The following FAM110B variants were observed in gnomAD, a reference collection of about 807,000 sequenced individuals.
FAM110B encodes the protein protein FAM110B.
Under a neutral mutation model 20.4 loss-of-function variants are expected in FAM110B, and 6 were observed. The ratio of observed to expected loss-of-function variants is 0.29; its 90% CI spans 0.16 to 0.58. The LOEUF (loss-of-function observed/expected upper bound fraction) is 0.58, where lower values mean the gene tolerates loss of function less well. FAM110B is among the 20% of genes least tolerant of loss of function. The pLI, the probability that FAM110B is intolerant of heterozygous loss-of-function variation, is 0.90. For missense variants in FAM110B, 434 were observed against 498.2 expected, an observed-to-expected ratio of 0.87 and a Z score of 1.23; for synonymous variants, 226 against 214.1, an observed-to-expected ratio of 1.06 and a Z score of -0.49.
intron 3 of FAM110B, among the ~76,000 whole-genome samples, chr8:58,078,509 A>C (rs1025129955): frequency 4.6e-5 from 7 of 151,074 alleles, no homozygotes; most frequent in African/African-American, 1.7e-4. Context: ...TTTCTCCTTG[A>C]AGGTTTCCTT....
At chr8:58,086,476 A>G (rs1474244160) in intron 3 of FAM110B, among the ~76,000 whole-genome samples, 4 of 152,204 alleles carry the variant, frequency 2.6e-5, no homozygotes, top group Admixed American at 2.6e-4. Context: ...TTTTATGATT[A>G]TTAGACCCTT....
chr8:57,998,767 C>T (rs1486047334), intron 1 of FAM110B, among the ~76,000 whole-genome samples: 1 of 152,258 alleles, frequency 6.6e-6, no homozygotes, highest in East Asian at 1.9e-4. Flanking sequence ...TGTTAACATC[C>T]AAACGATTAC....
chr8:58,075,267 T>TGTGTGTGTGTGTGTGTGTGTGTGTGTG (rs1554521043), intron 2 of FAM110B, among the ~76,000 whole-genome samples: 1 of 134,244 alleles, frequency 7.4e-6, no homozygotes, highest in Non-Finnish European at 1.5e-5. Context: ...TTTTGCTTTT[T>TGTGTGTGTGTGTGTGTGTGTGTGTGTG]TTTTTTTTTG....
intron 3 of FAM110B, among the ~76,000 whole-genome samples, chr8:58,079,853 C>G (rs567573408): frequency 2.6e-4 from 39 of 152,082 alleles, no homozygotes; most frequent in Non-Finnish European, 4.1e-4. Flanking sequence ...TGTGTTACTA[C>G]CTGCATAGTT....
At chr8:58,070,668 T>G (rs1304761356) in intron 2 of FAM110B, among the ~76,000 whole-genome samples, 1 of 152,178 alleles carries the variant, frequency 6.6e-6, no homozygotes, top group Admixed American at 6.5e-5. Flanking sequence ...CAATGTTGCA[T>G]CAATTTGGGT....
chr8:58,044,055 A>G (rs1805274138), intron 2 of FAM110B, among the ~76,000 whole-genome samples: 1 of 152,250 alleles, frequency 6.6e-6, no homozygotes, highest in South Asian at 2.1e-4. Context: ...GTTTGAACCA[A>G]TGAATATGAA....
At chr8:58,030,444 G>T (rs917512125) in intron 1 of FAM110B, among the ~76,000 whole-genome samples, 46 of 152,112 alleles carry the variant, frequency 3.0e-4, no homozygotes, top group Non-Finnish European at 2.5e-4. Context: ...GTTTTGAAGC[G>T]ATAGAAAATC....
chr8:58,113,026 A>T (rs1205498454), intron 3 of FAM110B, among the ~76,000 whole-genome samples: 1 of 152,164 alleles, frequency 6.6e-6, no homozygotes, highest in Non-Finnish European at 1.5e-5. Flanking sequence ...CTGCGTCCTG[A>T]AGTCGTGGAA....
At chr8:58,061,155 G>GTCGTTT (rs1400088731) in intron 2 of FAM110B, among the ~76,000 whole-genome samples, 10 of 152,188 alleles carry the variant, frequency 6.6e-5, no homozygotes, top group Non-Finnish European at 2.9e-5. Context: ...TAAATGTGAA[G>GTCGTTT]ATCATGCTTA....
At chr8:58,004,369 C>G (rs570439394) in intron 1 of FAM110B, among the ~76,000 whole-genome samples, 1 of 152,264 alleles carries the variant, frequency 6.6e-6, no homozygotes, top group East Asian at 1.9e-4. Context: ...GCTCCATATT[C>G]TAGATAACTT....
chr8:58,143,254 C>T (rs1396763761), intron 3 of FAM110B, among the ~76,000 whole-genome samples: 1 of 152,182 alleles, frequency 6.6e-6, no homozygotes, highest in Admixed American at 6.5e-5. Context: ...TCCCACAACA[C>T]CCCAAACAGT....
rs142134782 is a variant in FAM110B at position 58,146,790 on chromosome 8, A to G, written c.560A>G (p.Glu187Gly). ...TCCCACGTGGGCAGGAGACTGCTGG[A>G]GCAGTCAGCCGAGTCCTTCCTCCAC... Reference protein sequence around the residue: ...GGSHVGRRLLEQSAESFLHVS... With the variant: ...GGSHVGRRLLGQSAESFLHVS... Residue 187 changes from glutamate to glycine, a missense_variant, in exon 4 of 4, where the codon GAG becomes GGG. By Grantham distance (98) the Glu-to-Gly change is moderately conservative. This residue lies in a region of FAM110B where 284 missense variants were observed against 278.3 expected (regional missense o/e 1.02). Transcript: ENST00000519262. 1.4e-4 allele frequency: 223 copies of G among 1,610,648 alleles called. 1 individual carries two copies. In the African/African-American group the frequency reaches 2.7e-3, roughly 20 times the overall value.
intron 3 of FAM110B, among the ~76,000 whole-genome samples, chr8:58,116,762 T>G (rs79244971): frequency 6.6e-6 from 1 of 152,300 alleles, no homozygotes; most frequent in East Asian, 1.9e-4. Flanking sequence ...TGAATGAACA[T>G]TCAGTTTCCA....
chr8:58,102,702 C>G (rs1200730693), intron 3 of FAM110B, among the ~76,000 whole-genome samples: 3 of 152,156 alleles, frequency 2.0e-5, no homozygotes, highest in African/African-American at 7.2e-5. Context: ...TTCTCCCTTC[C>G]TGGTGCCCCA....
At chr8:58,089,676 A>C (rs1283308384) in intron 3 of FAM110B, among the ~76,000 whole-genome samples, 1 of 152,236 alleles carries the variant, frequency 6.6e-6, no homozygotes, top group African/African-American at 2.4e-5. Flanking sequence ...ACATTTTGAG[A>C]AAAAGCTATT....
intron 2 of FAM110B, among the ~76,000 whole-genome samples, chr8:58,064,062 A>T (rs910934184): frequency 6.6e-6 from 1 of 152,178 alleles, no homozygotes; most frequent in African/African-American, 2.4e-5. Flanking sequence ...GAGATGGGGA[A>T]GGTGCCACAC....
chr8:58,000,845 C>T (rs1288948692), intron 1 of FAM110B, among the ~76,000 whole-genome samples: 1 of 152,204 alleles, frequency 6.6e-6, no homozygotes, highest in African/African-American at 2.4e-5. Context: ...TTCCTTTAAT[C>T]TATCCCTAGC....
At chr8:58,139,236 G>A (rs1585919053) in intron 3 of FAM110B, among the ~76,000 whole-genome samples, 1 of 152,338 alleles carries the variant, frequency 6.6e-6, no homozygotes, top group African/African-American at 2.4e-5. Flanking sequence ...TAACATGATA[G>A]TGTTGTTGTC....
intron 1 of FAM110B, among the ~76,000 whole-genome samples, chr8:58,021,433 CA>C (rs953333110): frequency 6.6e-6 from 1 of 152,128 alleles, no homozygotes; most frequent in African/African-American, 2.4e-5. Flanking sequence ...TGGAACTGCC[CA>C]ATCACATGTA....
Sources: gnomAD v4.1 joint callset for allele counts (sites outside exome capture counted in the v4.1 genomes callset) on GRCh38, gnomAD v4.1.1 for gene constraint, gnomAD v4.1.1 regional missense constraint, MANE v1.5 for transcripts, NCBI Gene and HGNC (gene_info 2026-07-23, HGNC 2026-07-21) for gene names.